The following TRPM1 variants were observed in gnomAD, a reference collection of about 807,000 sequenced individuals.
The protein encoded by TRPM1 is TRPM1-203 APA Isoform, Intron 10.
TRPM1 carries 113 observed loss-of-function variants against 149.4 expected under a neutral mutation model. That is an observed-to-expected ratio of 0.76 (90% CI 0.65 to 0.88). TRPM1 has a LOEUF of 0.88. TRPM1 is among the 40% of genes least tolerant of loss of function. The probability of loss-of-function intolerance (pLI) is 0.00; values close to 1 mark genes in which losing one functional copy is unlikely to be tolerated. For synonymous variants in TRPM1, 741 were observed against 759.5 expected, an observed-to-expected ratio of 0.98 and a Z score of 0.40; for missense variants, 1,976 against 2,038.7, an observed-to-expected ratio of 0.97 and a Z score of 0.59.
At chr15:31,005,936 C>T (rs1412246240) in intron 27 of TRPM1, among the ~76,000 whole-genome samples, 6 of 152,162 alleles carry the variant, frequency 3.9e-5, no homozygotes, top group Non-Finnish European at 7.3e-5. Flanking sequence ...TCTATTTACA[C>T]ATTGAATGGC....
intron 27 of TRPM1, among the ~76,000 whole-genome samples, chr15:31,014,826 A>G (rs1389269913): frequency 6.6e-6 from 1 of 152,108 alleles, no homozygotes; most frequent in Non-Finnish European, 1.5e-5. Flanking sequence ...CCCTCTCACT[A>G]TCTCCCTGAT....
chr15:31,062,286 G>A (rs1352960354), intron 9 of TRPM1, among the ~76,000 whole-genome samples: 1 of 152,162 alleles, frequency 6.6e-6, no homozygotes, highest in Non-Finnish European at 1.5e-5. Flanking sequence ...GTGGTATGTG[G>A]CCCTTTTCCC....
rs1459251726 is a variant in TRPM1 at position 31,050,599 on chromosome 15, T to A, written c.1264-17A>T. 1 of 1,613,968 alleles carries A rather than the reference T, an allele frequency of 6.2e-7. No homozygotes were observed. The highest frequency in any genetic ancestry group is 1.7e-5 in the Admixed American group (1 of 60,004). On this transcript the variant is annotated splice_polypyrimidine_tract_variant and intron_variant, in intron 11 of 27. Transcript: ENST00000256552. Reference sequence around the variant, plus strand: ...TCCCAGGGGCTGCAGTCCACAGCAATCAGAGTTGGGAAATGGTACTAAGGC... The same window carrying A: ...TCCCAGGGGCTGCAGTCCACAGCAAACAGAGTTGGGAAATGGTACTAAGGC...
Position 31,012,881 on chromosome 15 carries a change from A to C in TRPM1, c.3630-9811T>G, listed in dbSNP as rs553425604. On this transcript the variant is annotated intron_variant, in intron 27 of 27. Coordinates refer to ENST00000256552, the MANE Select transcript of TRPM1 (RefSeq NM_001252024.2). Reference sequence around the variant, plus strand: ...GCTGATTCTTTAATCTACCTGCTCAAATGTGCTATTGGGCCTCTAGAGTGA... The same window carrying C: ...GCTGATTCTTTAATCTACCTGCTCACATGTGCTATTGGGCCTCTAGAGTGA... 3.7e-4 allele frequency among the ~76,000 whole-genome samples: 56 copies of C among 151,852 alleles called. 1 individual carries two copies. Among genetic ancestry groups the C allele is most frequent in the Admixed American group, 7.2e-4 (11 of 15,258 alleles).
chr15:31,067,661 T>C (rs934127642), intron 5 of TRPM1, among the ~76,000 whole-genome samples: 2 of 152,236 alleles, frequency 1.3e-5, no homozygotes, highest in African/African-American at 4.8e-5. Context: ...CCCAGAGATG[T>C]TGACCATTAT....
chr15:31,007,528 A>T (rs544789899), intron 27 of TRPM1, among the ~76,000 whole-genome samples: 1 of 152,314 alleles, frequency 6.6e-6, no homozygotes, highest in African/African-American at 2.4e-5. Flanking sequence ...ATAGCTGGGC[A>T]CAGTGGCTCA....
chr15:31,032,990 CTT>C, intron 21 of TRPM1, 50 bp from the exon 22 acceptor site: 1 of 1,611,366 alleles, frequency 6.2e-7, no homozygotes. Flanking sequence ...TATTAGAAGT[CTT>C]GTCTTAGAAT....
intron 1 of TRPM1, among the ~76,000 whole-genome samples, chr15:31,084,914 C>T (rs1021374838): frequency 1.3e-5 from 2 of 150,814 alleles, no homozygotes; most frequent in African/African-American, 2.4e-5. Context: ...GTCTCGAACT[C>T]CTGACCTCAG....
At chr15:31,079,105 G>C (rs542927089) in intron 2 of TRPM1, among the ~76,000 whole-genome samples, 5 of 152,264 alleles carry the variant, frequency 3.3e-5, no homozygotes, top group Admixed American at 6.5e-5. Flanking sequence ...CTCATGGTTT[G>C]TAATATATAG....
In TRPM1 at chr15:31,049,392, C is replaced by T. The variant is rs780305700; in HGVS notation, c.1555G>A (p.Glu519Lys). 1.9e-6 allele frequency: 3 copies of T among 1,614,230 alleles called. No individual in the cohort carries two copies. Among genetic ancestry groups the T allele is most frequent in the East Asian group, 4.5e-5 (2 of 44,888 alleles). The change falls in exon 13 of 28, where the codon GAG (glutamate) becomes AAG (lysine). Residue 519 changes from glutamate to lysine, a missense_variant. Physicochemically the swap from Glu to Lys is moderately conservative, Grantham distance 56 (BLOSUM62 1). Transcript: ENST00000256552. ...MQHFLTIPRL[E>K]ELYNTRLGPP... ...GCACTCACTGTGTTATAAAGCTCCT[C>T]CAGCCTCGGAATGGTCAGAAAGTGT...
At chr15:31,003,819 A>G (rs891871828) in intron 27 of TRPM1, among the ~76,000 whole-genome samples, 9 of 152,258 alleles carry the variant, frequency 5.9e-5, no homozygotes, top group African/African-American at 1.7e-4. Flanking sequence ...GTTACACACA[A>G]AAAAGAGCAT....
chr15:31,088,440 CACTG>C (rs1398858502), intron 1 of TRPM1, among the ~76,000 whole-genome samples: 2 of 152,208 alleles, frequency 1.3e-5, no homozygotes, highest in Non-Finnish European at 2.9e-5. Context: ...AGAGCTGTAA[CACTG>C]ACTGTACGGT....
chr15:31,087,042 T>C (rs1251140422), intron 1 of TRPM1, among the ~76,000 whole-genome samples: 1 of 151,824 alleles, frequency 6.6e-6, no homozygotes, highest in African/African-American at 2.4e-5. Context: ...CTCATGCCCA[T>C]TAGGATGGAT....
chr15:31,098,711 CGTT>C (rs2035447772), intron 1 of TRPM1, among the ~76,000 whole-genome samples: 1 of 152,134 alleles, frequency 6.6e-6, no homozygotes, highest in South Asian at 2.1e-4. Flanking sequence ...CTGCCATGAG[CGTT>C]ACCCCTACCT....
At chr15:31,121,537 ATGAACAAATT>A (rs1302953550) in intron 1 of TRPM1, among the ~76,000 whole-genome samples, 2 of 152,214 alleles carry the variant, frequency 1.3e-5, no homozygotes, top group African/African-American at 4.8e-5. Context: ...AAGGAATAAC[ATGAACAAATT>A]TGTGTCCACA....
At chr15:31,037,983 A>T in intron 19 of TRPM1, 61 bp downstream of exon 19, 1 of 1,613,352 alleles carries the variant, frequency 6.2e-7, no homozygotes, top group Non-Finnish European at 8.5e-7. Context: ...GGTACAAGAA[A>T]TCTCAACAAT....
At chr15:31,113,672 C>T (rs1280193784) in intron 1 of TRPM1, among the ~76,000 whole-genome samples, 1 of 151,940 alleles carries the variant, frequency 6.6e-6, no homozygotes, top group African/African-American at 2.4e-5. Flanking sequence ...CTCCATCACC[C>T]ACGTTTTAAG....
rs188761841 is a variant in TRPM1, at chr15:31,147,259, G to A, written c.54+13647C>T. Among the ~76,000 whole-genome samples the A allele has an allele frequency of 9.8e-5, 15 of 152,308 alleles. No homozygotes were observed. In the East Asian group the frequency reaches 1.9e-3, roughly 20 times the overall value. On this transcript the variant is annotated intron_variant, in intron 1 of 26. Coordinates refer to the TRPM1 transcript ENST00000542188. ...GCACACAACTGTGCTATGCGCACACGTTTATCTTTATTAAAGCACCTCAGT... is the reference window on the plus strand; with the variant it reads ...GCACACAACTGTGCTATGCGCACACATTTATCTTTATTAAAGCACCTCAGT...
chr15:31,124,045 A>G (rs1212874177), intron 1 of TRPM1, among the ~76,000 whole-genome samples: 1 of 152,210 alleles, frequency 6.6e-6, no homozygotes, highest in Non-Finnish European at 1.5e-5. Flanking sequence ...GTACTTTGGG[A>G]GGCCAAAGTG....
Sources: allele counts gnomAD v4.1 joint callset (sites outside exome capture counted in the v4.1 genomes callset), GRCh38; gene constraint gnomAD v4.1.1; transcripts MANE v1.5; gene names NCBI Gene and HGNC (gene_info 2026-07-23, HGNC 2026-07-21).